TANC1: variants seen among roughly 807,000 people sequenced by gnomAD.
The protein encoded by TANC1 is protein TANC1.
Under a neutral mutation model 149.7 loss-of-function variants are expected in TANC1, and 77 were observed. That is an observed-to-expected ratio of 0.51 (90% CI 0.43 to 0.62). The LOEUF (loss-of-function observed/expected upper bound fraction) is 0.62, where lower values mean the gene tolerates loss of function less well. Ranked by LOEUF, TANC1 falls within the 20% of genes least tolerant of loss-of-function variation. The probability of loss-of-function intolerance (pLI) is 0.00; values close to 1 mark genes in which losing one functional copy is unlikely to be tolerated. For missense variants in TANC1, 1,985 were observed against 2,321.8 expected (o/e 0.85, Z 2.98); for synonymous variants, 854 against 925.0 (o/e 0.92, Z 1.39).
chr2:159,002,059 A>G (rs949251067), intron 2 of TANC1, among the ~76,000 whole-genome samples: 22 of 152,176 alleles, frequency 1.4e-4, no homozygotes, highest in African/African-American at 4.1e-4. Flanking sequence ...AGTGACACCA[A>G]CTTGTTCTCA....
At chr2:159,143,079 CAACAA>C (rs1559338655) in intron 5 of TANC1, among the ~76,000 whole-genome samples, 4 of 133,862 alleles carry the variant, frequency 3.0e-5, no homozygotes, top group African/African-American at 8.3e-5. Flanking sequence ...AAAAAAAAAA[CAACAA>C]AACAAAACAA....
At chr2:159,112,573 T>TTTC (rs56054311) in intron 4 of TANC1, among the ~76,000 whole-genome samples, 2 of 141,852 alleles carry the variant, frequency 1.4e-5, no homozygotes, top group African/African-American at 5.4e-5. Flanking sequence ...TTTTTTTTTT[T>TTTC]CTCGTTTTCC....
intron 2 of TANC1, among the ~76,000 whole-genome samples, chr2:159,032,002 A>G (rs867923480): frequency 1.3e-5 from 2 of 152,360 alleles, no homozygotes; most frequent in South Asian, 4.1e-4. Context: ...AGGCTGTTTA[A>G]AAACACTCTC....
intron 2 of TANC1, among the ~76,000 whole-genome samples, chr2:159,025,381 C>T (rs988477062): frequency 6.6e-6 from 1 of 151,996 alleles, no homozygotes; most frequent in Non-Finnish European, 1.5e-5. Flanking sequence ...TCATACCATA[C>T]ATTAGATCTC....
At chr2:159,012,404 G>A (rs772811051) in intron 2 of TANC1, among the ~76,000 whole-genome samples, 6 of 151,798 alleles carry the variant, frequency 4.0e-5, no homozygotes, top group African/African-American at 2.4e-5. Context: ...ATTCAAACAC[G>A]TGCCTCTGGA....
intron 4 of TANC1, among the ~76,000 whole-genome samples, chr2:159,123,477 G>A (rs950594650): frequency 1.3e-5 from 2 of 151,980 alleles, no homozygotes; most frequent in Non-Finnish European, 2.9e-5. Context: ...TGGGACCCAC[G>A]CTCCCCTCAC....
chr2:159,101,914 A>G (rs7585857), intron 4 of TANC1, among the ~76,000 whole-genome samples: 2 of 152,122 alleles, frequency 1.3e-5, no homozygotes, highest in African/African-American at 2.4e-5. Flanking sequence ...CCTTGTATGG[A>G]GACACTGGAG....
intron 17 of TANC1, among the ~76,000 whole-genome samples, chr2:159,195,223 T>A (rs964759098): frequency 1.3e-5 from 2 of 152,176 alleles, no homozygotes; most frequent in African/African-American, 4.8e-5. Flanking sequence ...CAGGTTTAAG[T>A]GATTCTCCTG....
intron 22 of TANC1, among the ~76,000 whole-genome samples, chr2:159,221,167 G>C (rs1282763014): frequency 6.6e-6 from 1 of 152,070 alleles, no homozygotes; most frequent in Non-Finnish European, 1.5e-5. Context: ...GCGAACTTGA[G>C]GTCAGGAGTT....
chr2:159,064,058 G>A (rs2042466673), intron 2 of TANC1, among the ~76,000 whole-genome samples: 1 of 152,098 alleles, frequency 6.6e-6, no homozygotes, highest in South Asian at 2.1e-4. Context: ...TTATTTTTTA[G>A]GTAGTTTTTG....
rs756381418 is a variant in TANC1 at position 159,178,880 on chromosome 2, A to G, written c.2227A>G (p.Met743Val). The G allele has an allele frequency of 3.1e-6, 5 of 1,614,166 alleles. No homozygotes were observed. Among genetic ancestry groups the G allele is most frequent in the Non-Finnish European group, 4.2e-6 (5 of 1,180,032 alleles). Residue 743 changes from methionine to valine, a missense_variant, in exon 14 of 27, where the codon ATG (methionine) becomes GTG (valine). Physicochemically the swap from Met to Val is conservative, Grantham distance 21. Transcript: ENST00000263635. Reference protein sequence around the residue: ...LSELYLLQCNMKFMTQSAFER... With the variant: ...LSELYLLQCNVKFMTQSAFER... ...TGAGCTCTATTTGCTTCAGTGCAAC[A>G]TGAAGTTCATGACCCAGTCCGCCTT... is the stretch of plus-strand genomic sequence containing the variant.
At chr2:159,119,459 A>G (rs2048628091) in intron 4 of TANC1, among the ~76,000 whole-genome samples, 1 of 152,124 alleles carries the variant, frequency 6.6e-6, no homozygotes, top group Non-Finnish European at 1.5e-5. Context: ...AGAAGCAGCC[A>G]CTCTGTTGTA....
At position 159,219,720 on chromosome 2, in the gene TANC1, G is replaced by C. The variant is rs1337532723; in HGVS notation, c.3531G>C (p.Glu1177Asp). The C allele has an allele frequency of 1.2e-6, 2 of 1,614,242 alleles. No individual in the cohort carries two copies. The highest frequency in any genetic ancestry group is 2.7e-5 in the African/African-American group (2 of 75,064). ...CAGCCCTTTCTTCTCTAGACAAAGAGGGTCTGTCAGCATTAAGCTGGGCTT... is the reference window on the plus strand; with the variant it reads ...CAGCCCTTTCTTCTCTAGACAAAGACGGTCTGTCAGCATTAAGCTGGGCTT... ...KGAALSSLDK[E>D]GLSALSWACL... is the part of the protein sequence containing the mutation. Residue 1177 changes from glutamate (E) to aspartate (D), a missense_variant, in exon 22 of 27, where the codon GAG (glutamate) becomes GAC (aspartate). This residue lies in a region of TANC1 where 920 missense variants were observed against 994.7 expected (regional missense o/e 0.92). Transcript: ENST00000263635.
intron 7 of TANC1, among the ~76,000 whole-genome samples, chr2:159,162,776 A>C (rs1038022247): frequency 1.3e-5 from 2 of 152,106 alleles, no homozygotes; most frequent in African/African-American, 4.8e-5. Context: ...TTAAGGGTCA[A>C]ATTCTCTGTT....
chr2:159,096,269 T>C (rs185862512), intron 3 of TANC1, among the ~76,000 whole-genome samples: 77 of 149,836 alleles, frequency 5.1e-4, no homozygotes, highest in Admixed American at 5.0e-3. Context: ...AAATGTGTTA[T>C]CTGAATACAT....
At chr2:159,003,951 A>T in intron 2 of TANC1, 1 of 1,612,770 alleles carries the variant, frequency 6.2e-7, no homozygotes, top group Non-Finnish European at 8.5e-7. Context: ...ACAGCTGATG[A>T]CAAAAAGCTT....
intron 16 of TANC1, 87 bp downstream of exon 16, chr2:159,187,111 T>A (rs1407528773): frequency 6.6e-7 from 1 of 1,506,484 alleles, no homozygotes; most frequent in Non-Finnish European, 9.0e-7. Context: ...CCCTCTGCCC[T>A]GGGTGGTGGT....
chr2:159,060,858 G>T (rs932079514), intron 2 of TANC1, among the ~76,000 whole-genome samples: 3 of 152,144 alleles, frequency 2.0e-5, no homozygotes, highest in African/African-American at 7.2e-5. Flanking sequence ...AATAGATTTT[G>T]TCTTGTTTTG....
intron 7 of TANC1, among the ~76,000 whole-genome samples, chr2:159,157,596 T>G (rs1446252579): frequency 6.6e-6 from 1 of 152,214 alleles, no homozygotes; most frequent in Admixed American, 6.5e-5. Context: ...TCTGCAGCAG[T>G]GAAACCTAAT....
Sources: allele counts gnomAD v4.1 joint callset (sites outside exome capture counted in the v4.1 genomes callset), GRCh38; gene constraint gnomAD v4.1.1; regional missense constraint gnomAD v4.1.1; transcripts MANE v1.5; gene names NCBI Gene and HGNC (gene_info 2026-07-23, HGNC 2026-07-21).